B3GALT1: variants seen among roughly 807,000 people sequenced by gnomAD.
The protein encoded by B3GALT1 is beta-1,3-galactosyltransferase 1.
A neutral mutation model predicts 23.2 loss-of-function variants in B3GALT1; 10 were observed. The ratio of observed to expected loss-of-function variants is 0.43; its 90% CI spans 0.27 to 0.73. B3GALT1 has a LOEUF of 0.73. Among genes scored for constraint, B3GALT1 ranks in the 30% least tolerant of loss-of-function variants. B3GALT1 has a pLI of 0.21. For missense variants in B3GALT1, 299 were observed against 405.4 expected, an observed-to-expected ratio of 0.74 and a Z score of 2.25; for synonymous variants, 156 against 141.5, an observed-to-expected ratio of 1.10 and a Z score of -0.73.
intron 2 of B3GALT1, among the ~76,000 whole-genome samples, chr2:167,549,127 CAAAAAATATTTAGAGA>C (rs968599279): frequency 6.6e-6 from 1 of 152,072 alleles, no homozygotes; most frequent in African/African-American, 2.4e-5. Context: ...ATAAACCTCT[CAAAAAATATTTAGAGA>C]ATTGTATTAA....
intron 3 of B3GALT1, among the ~76,000 whole-genome samples, chr2:167,702,726 T>A (rs1433399361): frequency 1.3e-5 from 2 of 152,218 alleles, no homozygotes; most frequent in Non-Finnish European, 2.9e-5. Context: ...GAAACAGTGT[T>A]ACTTGATTTA....
chr2:167,331,712 CT>C (rs1696974943), intron 1 of B3GALT1, among the ~76,000 whole-genome samples: 1 of 152,104 alleles, frequency 6.6e-6, no homozygotes, highest in Admixed American at 6.5e-5. Flanking sequence ...CTGGGGCCCC[CT>C]GGTGGTACCT....
At chr2:167,710,108 A>T (rs1687026162) in intron 3 of B3GALT1, among the ~76,000 whole-genome samples, 1 of 152,242 alleles carries the variant, frequency 6.6e-6, no homozygotes, top group African/African-American at 2.4e-5. Flanking sequence ...TAAAGAGAAG[A>T]ATTTTACCCC....
At chr2:167,467,126 G>A (rs1338364256) in intron 1 of B3GALT1, among the ~76,000 whole-genome samples, 2 of 151,450 alleles carry the variant, frequency 1.3e-5, no homozygotes, top group East Asian at 1.9e-4. Flanking sequence ...TTTAGTCAAC[G>A]TAATCACCAG....
intron 4 of B3GALT1, among the ~76,000 whole-genome samples, chr2:167,844,378 C>T (rs955397011): frequency 4.6e-5 from 7 of 152,126 alleles, no homozygotes; most frequent in African/African-American, 1.4e-4. Context: ...CTGAAGGAAG[C>T]GGACTGCTCC....
chr2:167,492,640 G>T (rs1699727000), intron 2 of B3GALT1, among the ~76,000 whole-genome samples: 1 of 152,114 alleles, frequency 6.6e-6, no homozygotes, highest in South Asian at 2.1e-4. Context: ...CAAGCATTTG[G>T]TTTTGTCAAT....
In B3GALT1 at chr2:167,512,566, A is replaced by ATGTATATATATGTATATATATATG. The variant is rs1558887653; in HGVS notation, c.-410+22300_-410+22301insGTATATATATATGTGTATATATAT. On this transcript the variant is annotated intron_variant, in intron 2 of 4. Coordinates refer to ENST00000392690, the MANE Select transcript of B3GALT1 (RefSeq NM_020981.4). ...TATATGTATATATATGTATATATAT[A>ATGTATATATATGTATATATATATG]TGTATATATATATGTATATATATAT... 8.2e-4 allele frequency among the ~76,000 whole-genome samples: 75 copies of ATGTATATATATGTATATATATATG among 92,012 alleles called. 1 individual carries two copies. The highest frequency in any genetic ancestry group is 4.9e-3 in the African/African-American group (70 of 14,284). The allele number at this position is 92,012 out of a possible 152,430, so 60.4% of individuals were successfully genotyped here. A position where few individuals can be genotyped will look rare whatever the true frequency, so the allele number is the denominator to read the frequency against.
chr2:167,831,859 CA>C (rs1689361258), intron 4 of B3GALT1, among the ~76,000 whole-genome samples: 1 of 152,118 alleles, frequency 6.6e-6, no homozygotes, highest in South Asian at 2.1e-4. Flanking sequence ...AATAATGACT[CA>C]AAAGATAGTG....
At chr2:167,564,875 G>T (rs1684124730) in intron 2 of B3GALT1, among the ~76,000 whole-genome samples, 1 of 152,164 alleles carries the variant, frequency 6.6e-6, no homozygotes, top group South Asian at 2.1e-4. Flanking sequence ...ACAAATGGAA[G>T]AACATTCCAT....
intron 1 of B3GALT1, among the ~76,000 whole-genome samples, chr2:167,320,269 A>C (rs1444199770): frequency 3.3e-5 from 5 of 150,938 alleles, no homozygotes; most frequent in African/African-American, 1.2e-4. Context: ...GGCTCACTGC[A>C]ACCTGTGCCT....
chr2:167,828,733 A>T (rs1308452512), intron 4 of B3GALT1, among the ~76,000 whole-genome samples: 1 of 152,184 alleles, frequency 6.6e-6, no homozygotes, highest in Non-Finnish European at 1.5e-5. Context: ...TGCATATATG[A>T]TCCCATTTGA....
chr2:167,664,692 G>C (rs1686139567), intron 3 of B3GALT1, among the ~76,000 whole-genome samples: 1 of 152,084 alleles, frequency 6.6e-6, no homozygotes, highest in South Asian at 2.1e-4. Flanking sequence ...CTTGTAAGTT[G>C]GATTCCTAGG....
chr2:167,343,498 T>G (rs939881070), intron 1 of B3GALT1, among the ~76,000 whole-genome samples: 16 of 152,192 alleles, frequency 1.1e-4, no homozygotes, highest in African/African-American at 3.9e-4. Context: ...ACATGATGGC[T>G]AAGCAATGTC....
intron 3 of B3GALT1, among the ~76,000 whole-genome samples, chr2:167,744,987 A>C (rs1023960586): frequency 6.6e-6 from 1 of 152,134 alleles, no homozygotes; most frequent in Non-Finnish European, 1.5e-5. Context: ...ATTTACATTT[A>C]TTTTAATTGC....
At chr2:167,793,956 T>G (rs1841698) in intron 3 of B3GALT1, among the ~76,000 whole-genome samples, 26,175 of 152,130 alleles carry the variant, frequency 0.17, 2,685 homozygotes, top group East Asian at 0.36. Context: ...CTCAGCTGAT[T>G]CCCTTTTTTC....
intron 3 of B3GALT1, chr2:167,715,455 G>A (rs763525094): frequency 4.6e-5 from 74 of 1,606,368 alleles, no homozygotes; most frequent in African/African-American, 2.0e-4. Context: ...GCTATCGCCC[G>A]TCGTTCTTCA....
At chr2:167,661,081 A>G (rs1436707641) in intron 3 of B3GALT1, among the ~76,000 whole-genome samples, 6 of 152,134 alleles carry the variant, frequency 3.9e-5, no homozygotes, top group African/African-American at 1.4e-4. Context: ...TCGTTGTGCA[A>G]CGGAGCTTAA....
At position 167,520,176 on chromosome 2, in the gene B3GALT1, C is replaced by T. The variant is rs1046787412; in HGVS notation, c.-410+29899C>T. On this transcript the variant is annotated intron_variant, in intron 2 of 4. Transcript: ENST00000392690. ...TAAACTTTATTTCTCAACATAAACCCCATCAAGACATTATTTAAAGCAATG... is the reference window on the plus strand; with the variant it reads ...TAAACTTTATTTCTCAACATAAACCTCATCAAGACATTATTTAAAGCAATG... Among the ~76,000 whole-genome samples the T allele has an allele frequency of 5.3e-4, 81 of 151,920 alleles. 2 individuals carry two copies.
chr2:167,780,647 C>T (rs956088680), intron 3 of B3GALT1, among the ~76,000 whole-genome samples: 1 of 152,174 alleles, frequency 6.6e-6, no homozygotes, highest in African/African-American at 2.4e-5. Flanking sequence ...CATCATTGTC[C>T]TCTGGAGTTG....
Sources: allele counts gnomAD v4.1 joint callset (sites outside exome capture counted in the v4.1 genomes callset), GRCh38; gene constraint gnomAD v4.1.1; transcripts MANE v1.5; gene names NCBI Gene and HGNC (gene_info 2026-07-23, HGNC 2026-07-21).